The following EPB41L4B variants were observed in gnomAD, a reference collection of about 807,000 sequenced individuals.
EPB41L4B encodes the protein band 4.1-like protein 4B.
EPB41L4B carries 30 observed loss-of-function variants against 112.5 expected under a neutral mutation model. That is an observed-to-expected ratio of 0.27 (90% CI 0.20 to 0.36). EPB41L4B has a LOEUF of 0.36. Among genes scored for constraint, EPB41L4B ranks in the 10% least tolerant of loss-of-function variants. The probability of loss-of-function intolerance (pLI) is 1.00; values close to 1 mark genes in which losing one functional copy is unlikely to be tolerated. For missense variants in EPB41L4B, 1,024 were observed against 1,133.3 expected, an observed-to-expected ratio of 0.90 and a Z score of 1.38; for synonymous variants, 408 against 439.7, an observed-to-expected ratio of 0.93 and a Z score of 0.90.
At chr9:109,244,052 G>A (rs963581555) in intron 14 of EPB41L4B, among the ~76,000 whole-genome samples, 1 of 152,138 alleles carries the variant, frequency 6.6e-6, no homozygotes, top group Non-Finnish European at 1.5e-5. Flanking sequence ...GAGAGTGGGA[G>A]GCAACTTCTC....
Position 109,282,889 on chromosome 9 carries a change from G to A in EPB41L4B, c.307-2968C>T, listed in dbSNP as rs557549201. 4.6e-5 allele frequency among the ~76,000 whole-genome samples: 7 copies of A among 151,496 alleles called. No homozygotes were observed. In the South Asian group the frequency reaches 1.3e-3, roughly 27 times the overall value. On this transcript the variant is annotated intron_variant, in intron 1 of 25. Coordinates refer to ENST00000374566, the MANE Select transcript of EPB41L4B (RefSeq NM_019114.5). The stretch of plus-strand genomic sequence containing the variant: ...GTAGAGACAGGGTTTCACCATGTTG[G>A]CCAGGCTGGTCTCAACTCCCGACCT...
chr9:109,185,677 G>GAAGGGA, intron 22 of EPB41L4B, 72 bp from the exon 23 acceptor site: 5 of 1,175,106 alleles, frequency 4.3e-6, no homozygotes, highest in Non-Finnish European at 4.9e-6. Flanking sequence ...GGAGGTAGGG[G>GAAGGGA]AAGGGAAAGG....
At chr9:109,206,297 C>T (rs901524690) in intron 18 of EPB41L4B, among the ~76,000 whole-genome samples, 1 of 152,174 alleles carries the variant, frequency 6.6e-6, no homozygotes, top group East Asian at 1.9e-4. Context: ...AATTCTCCTG[C>T]CTCAGCCTCC....
At position 109,176,050 on chromosome 9, in the gene EPB41L4B, GCACACACACACACA is replaced by G. The variant is rs58215877; in HGVS notation, c.2633+487_2633+500del. 2.1e-3 allele frequency among the ~76,000 whole-genome samples: 70 copies of G among 32,976 alleles called. No homozygotes were observed. In the Middle Eastern group the frequency reaches 0.06, roughly 28 times the overall value. The allele number at this position is 32,976 out of a possible 152,430, so 21.6% of individuals were successfully genotyped here. A position where few individuals can be genotyped will look rare whatever the true frequency, so the allele number is the denominator to read the frequency against. On this transcript the variant is annotated intron_variant, in intron 25 of 25. Coordinates refer to ENST00000374566, the MANE Select transcript of EPB41L4B (RefSeq NM_019114.5). Reference sequence around the variant, plus strand: ...TATCCCTTGTCAATATCACACACACGCACACACACACACACACACACACACACACACACACACAC... The same window carrying G: ...TATCCCTTGTCAATATCACACACACGCACACACACACACACACACACACAC...
chr9:109,188,237 G>C (rs1832337975), intron 22 of EPB41L4B, among the ~76,000 whole-genome samples: 1 of 152,170 alleles, frequency 6.6e-6, no homozygotes, highest in Non-Finnish European at 1.5e-5. Context: ...GAGGGAAAGG[G>C]AGGAGGAGTA....
intron 15 of EPB41L4B, among the ~76,000 whole-genome samples, chr9:109,227,038 T>C (rs1833807568): frequency 6.6e-6 from 1 of 151,554 alleles, no homozygotes; most frequent in African/African-American, 2.4e-5. Context: ...CAGGGTCTCA[T>C]CATGTTGCCC....
chr9:109,276,670 T>C (rs1205711218), intron 2 of EPB41L4B, among the ~76,000 whole-genome samples: 1 of 152,212 alleles, frequency 6.6e-6, no homozygotes, highest in African/African-American at 2.4e-5. Context: ...CCCCTCCTGC[T>C]GCACAGTGAC....
At chr9:109,259,484 C>T (rs1835118904) in intron 6 of EPB41L4B, among the ~76,000 whole-genome samples, 1 of 152,194 alleles carries the variant, frequency 6.6e-6, no homozygotes, top group Non-Finnish European at 1.5e-5. Flanking sequence ...CATCAACTAA[C>T]ACTTCACTCA....
chr9:109,229,986 A>C (rs571197476), intron 15 of EPB41L4B, among the ~76,000 whole-genome samples: 1 of 152,256 alleles, frequency 6.6e-6, no homozygotes, highest in Non-Finnish European at 1.5e-5. Context: ...AGGATAATTG[A>C]CTCAAGTAGT....
intron 6 of EPB41L4B, 75 bp from the exon 7 acceptor site, chr9:109,258,372 G>A: frequency 6.5e-7 from 1 of 1,531,792 alleles, no homozygotes; most frequent in Non-Finnish European, 8.9e-7. Flanking sequence ...AGGTCCAAAG[G>A]CATTTTGCAT....
At chr9:109,241,298 G>C in intron 15 of EPB41L4B, 1 of 1,005,554 alleles carries the variant, frequency 9.9e-7, no homozygotes, top group Non-Finnish European at 1.2e-6. Flanking sequence ...TTCTACGACA[G>C]GAATATATGC....
chr9:109,197,827 A>C (rs1405166392), intron 20 of EPB41L4B, among the ~76,000 whole-genome samples: 4 of 151,628 alleles, frequency 2.6e-5, no homozygotes, highest in African/African-American at 9.7e-5. Context: ...ATCAAAAAAA[A>C]AAAAAAACAA....
chr9:109,314,768 G>A (rs1175998847), intron 1 of EPB41L4B, among the ~76,000 whole-genome samples: 2 of 152,100 alleles, frequency 1.3e-5, no homozygotes, highest in Non-Finnish European at 2.9e-5. Context: ...GTAGTGGAAG[G>A]CCACCTTTAG....
At chr9:109,206,410 T>C (rs932647516) in intron 18 of EPB41L4B, among the ~76,000 whole-genome samples, 2 of 152,236 alleles carry the variant, frequency 1.3e-5, no homozygotes, top group African/African-American at 4.8e-5. Flanking sequence ...CTCAAACTCC[T>C]GGCCTCAAGT....
chr9:109,273,832 C>T (rs1242190011), intron 2 of EPB41L4B, among the ~76,000 whole-genome samples: 1 of 152,196 alleles, frequency 6.6e-6, no homozygotes, highest in African/African-American at 2.4e-5. Context: ...CCCCATAGAT[C>T]CCACTCTTAG....
chr9:109,294,283 C>T (rs1046765377), intron 1 of EPB41L4B, among the ~76,000 whole-genome samples: 6 of 133,486 alleles, frequency 4.5e-5, no homozygotes, highest in Admixed American at 8.8e-5. Flanking sequence ...CCAGCCTGGG[C>T]GAGAGAGAGT....
chr9:109,257,618 C>G (rs1415656118), intron 7 of EPB41L4B, among the ~76,000 whole-genome samples: 1 of 152,098 alleles, frequency 6.6e-6, no homozygotes, highest in African/African-American at 2.4e-5. Context: ...GGTGGCTCCC[C>G]CATCCGCAAT....
chr9:109,268,324 A>C, intron 3 of EPB41L4B, 67 bp downstream of exon 3: 2 of 1,438,722 alleles, frequency 1.4e-6, no homozygotes, highest in Non-Finnish European at 1.9e-6. Context: ...TAACACCTCA[A>C]AACACTGGCA....
chr9:109,177,772 A>T (rs1283446650), intron 24 of EPB41L4B, among the ~76,000 whole-genome samples: 4 of 151,474 alleles, frequency 2.6e-5, no homozygotes, highest in African/African-American at 9.7e-5. Flanking sequence ...CAATGAGCCG[A>T]GGTTGCGCCA....
Sources: allele counts gnomAD v4.1 joint callset (sites outside exome capture counted in the v4.1 genomes callset), GRCh38; gene constraint gnomAD v4.1.1; transcripts MANE v1.5; gene names NCBI Gene and HGNC (gene_info 2026-07-23, HGNC 2026-07-21).